The following MRC1 variants were observed in gnomAD, a reference collection of about 807,000 sequenced individuals.
MRC1 encodes the protein macrophage mannose receptor 1.
A neutral mutation model predicts 102.9 loss-of-function variants in MRC1; 62 were observed. The observed-to-expected ratio is 0.60, with a 90% CI of 0.49 to 0.74. MRC1 has a LOEUF of 0.74. MRC1 is among the 30% of genes least tolerant of loss of function. The pLI is 0.00. For synonymous variants in MRC1, 457 were observed against 298.4 expected, an observed-to-expected ratio of 1.53 and a Z score of -5.48; for missense variants, 1,237 against 862.8, an observed-to-expected ratio of 1.43 and a Z score of -5.43.
At chr10:17,873,992 C>G (rs1011947096) in intron 16 of MRC1, among the ~76,000 whole-genome samples, 167 bp downstream of exon 16, 1 of 152,186 alleles carries the variant, frequency 6.6e-6, no homozygotes, top group South Asian at 2.1e-4. Flanking sequence ...CAGAGAGAAG[C>G]TCATATGCCC....
intron 4 of MRC1, among the ~76,000 whole-genome samples, chr10:17,837,085 C>CCGGACTCTGCTAT (rs1246914049): frequency 6.6e-6 from 1 of 152,106 alleles, no homozygotes; most frequent in African/African-American, 2.4e-5. Flanking sequence ...TTCCTGGTTC[C>CCGGACTCTGCTAT]CGGACTCTGC....
intron 3 of MRC1, among the ~76,000 whole-genome samples, chr10:17,831,392 A>G (rs1222298015): frequency 6.6e-6 from 1 of 151,446 alleles, no homozygotes; most frequent in Non-Finnish European, 1.5e-5. Context: ...ATAAGCATAT[A>G]ATGATTTTGT....
intron 1 of MRC1, among the ~76,000 whole-genome samples, chr10:17,814,591 A>G (rs1838276618): frequency 6.6e-6 from 1 of 151,860 alleles, no homozygotes; most frequent in Non-Finnish European, 1.5e-5. Flanking sequence ...TTGCAAGCCT[A>G]TCAACCCCAA....
intron 9 of MRC1, among the ~76,000 whole-genome samples, chr10:17,859,911 C>T (rs1833156703): frequency 6.6e-6 from 1 of 152,078 alleles, no homozygotes; most frequent in Non-Finnish European, 1.5e-5. Context: ...TACTCAGAAC[C>T]CCAGGTAGAT....
chr10:17,908,496 G>C (rs1833925914), intron 28 of MRC1, among the ~76,000 whole-genome samples: 1 of 151,842 alleles, frequency 6.6e-6, no homozygotes, highest in African/African-American at 2.4e-5. Flanking sequence ...AATTTGGCGG[G>C]TCTTTAGGCT....
rs1015307410 is a variant in MRC1 at position 17,910,844 on chromosome 10, A to G, written c.*379A>G. On this transcript the variant is annotated 3_prime_UTR_variant, in exon 30 of 30. Transcript: ENST00000569591. The stretch of plus-strand genomic sequence containing the variant: ...TGTGTTACCTATTAAATTGTAACTC[A>G]GCAAGTAGAAGACCATTTGAAAAGT... The G allele has an allele frequency of 8.8e-5, 19 of 215,364 alleles. No individual in the cohort carries two copies. Among genetic ancestry groups the G allele is most frequent in the Admixed American group, 5.8e-4 (11 of 19,040 alleles). The allele number at this position is 215,364 out of a possible 1,614,324, so 13.3% of individuals were successfully genotyped here.
chr10:17,861,927 G>T (rs1213093953), intron 10 of MRC1, among the ~76,000 whole-genome samples: 1 of 152,050 alleles, frequency 6.6e-6, no homozygotes, highest in African/African-American at 2.4e-5. Context: ...TCCATTCTTT[G>T]CTTTGCTTTG....
At chr10:17,856,566 G>A (rs1282664873) in intron 9 of MRC1, among the ~76,000 whole-genome samples, 5 of 152,102 alleles carry the variant, frequency 3.3e-5, no homozygotes, top group Admixed American at 2.0e-4. Flanking sequence ...ACACAAGGCC[G>A]GTAGCTCCTT....
At chr10:17,866,799 G>A (rs1833275124) in intron 12 of MRC1, 38 bp downstream of exon 12, 2 of 780,700 alleles carry the variant, frequency 2.6e-6, no homozygotes, top group East Asian at 2.4e-5. Flanking sequence ...AGAATCTGGA[G>A]TATGCTTCAG....
intron 24 of MRC1, among the ~76,000 whole-genome samples, chr10:17,899,584 T>C (rs1287753686): frequency 1.3e-5 from 2 of 152,172 alleles, no homozygotes; most frequent in African/African-American, 2.4e-5. Context: ...TTTTTGGCAA[T>C]TGGCTTCGTA....
chr10:17,871,331 G>T (rs1178839687), intron 14 of MRC1, among the ~76,000 whole-genome samples: 1 of 152,180 alleles, frequency 6.6e-6, no homozygotes, highest in Non-Finnish European at 1.5e-5. Context: ...GAACTTGAGT[G>T]AGGTGGTTTA....
chr10:17,897,218 A>G (rs895529251), intron 23 of MRC1, among the ~76,000 whole-genome samples: 3 of 152,212 alleles, frequency 2.0e-5, no homozygotes, highest in Admixed American at 6.5e-5. Flanking sequence ...TCCTCTGGCT[A>G]TTATTTGCTG....
intron 22 of MRC1, among the ~76,000 whole-genome samples, chr10:17,890,836 G>A (rs1833661779): frequency 6.6e-6 from 1 of 152,072 alleles, no homozygotes. Context: ...AGCAGGAGGC[G>A]GGTGGCAGGC....
chr10:17,846,048 C>T (rs1482120764), intron 6 of MRC1, among the ~76,000 whole-genome samples: 4 of 152,114 alleles, frequency 2.6e-5, no homozygotes, highest in African/African-American at 7.2e-5. Context: ...GTTGGGATTA[C>T]AGATGTGTGC....
intron 5 of MRC1, among the ~76,000 whole-genome samples, chr10:17,841,823 T>C (rs945744484): frequency 3.3e-5 from 5 of 151,106 alleles, no homozygotes; most frequent in South Asian, 2.1e-4. Flanking sequence ...AGAAGTATCA[T>C]ATTGGTCACA....
chr10:17,863,331 T>C (rs1046956559), intron 10 of MRC1, among the ~76,000 whole-genome samples: 1 of 152,202 alleles, frequency 6.6e-6, no homozygotes, highest in Non-Finnish European at 1.5e-5. Flanking sequence ...CTCAGCTATA[T>C]GGTATTTTTC....
In MRC1 at chr10:17,840,797, T is replaced by C; in HGVS notation, c.907T>C (p.Trp303Arg). ...SDRSPFRYLN[W>R]LPGSPSAEPG... ...CCGCAGTCCTTTCCGATATTTGAAC[T>C]GGTTACCAGGTAGGGTTAAGCCTGT... The change falls in exon 5 of 30, where the codon TGG (tryptophan) becomes CGG (arginine). Residue 303 changes from tryptophan to arginine, a missense_variant. Transcript: ENST00000569591. 1 of 780,882 alleles carries C rather than the reference T, an allele frequency of 1.3e-6. No homozygotes were observed. The highest frequency in any genetic ancestry group is 2.4e-6 in the Non-Finnish European group (1 of 417,950). The allele number at this position is 780,882 out of a possible 1,614,324, so 48.4% of individuals were successfully genotyped here. A position where few individuals can be genotyped will look rare whatever the true frequency, so the allele number is the denominator to read the frequency against.
At chr10:17,852,711 A>G (rs1366832786) in intron 7 of MRC1, among the ~76,000 whole-genome samples, 1 of 152,222 alleles carries the variant, frequency 6.6e-6, no homozygotes, top group African/African-American at 2.4e-5. Flanking sequence ...CAATATTTCC[A>G]CTAAAGAATA....
chr10:17,882,954 A>G (rs1389910844), intron 21 of MRC1, among the ~76,000 whole-genome samples: 1 of 152,204 alleles, frequency 6.6e-6, no homozygotes, highest in African/African-American at 2.4e-5. Flanking sequence ...ATAAAATAAC[A>G]TTATTCCTGG....
Sources: gnomAD v4.1 joint callset for allele counts (sites outside exome capture counted in the v4.1 genomes callset) on GRCh38, gnomAD v4.1.1 for gene constraint, MANE v1.5 for transcripts, NCBI Gene and HGNC (gene_info 2026-07-23, HGNC 2026-07-21) for gene names.